Variants in FRMPD4 observed in about 807,000 individuals in gnomAD.
FRMPD4 encodes the protein FERM and PDZ domain-containing protein 4.
FRMPD4 carries 22 observed loss-of-function variants against 94.1 expected under a neutral mutation model. The ratio of observed to expected loss-of-function variants is 0.23; its 90% CI spans 0.17 to 0.33. FRMPD4 has a LOEUF of 0.33. FRMPD4 is among the 10% of genes least tolerant of loss of function. FRMPD4 has a pLI of 1.00. For missense variants in FRMPD4, 1,111 were observed against 1,339.9 expected (o/e 0.83, Z 2.67); for synonymous variants, 631 against 548.6 (o/e 1.15, Z -2.10).
chrX:12,015,652 A>G (rs2054601303), intron 3 of FRMPD4, among the ~76,000 whole-genome samples: 1 of 112,489 alleles, frequency 8.9e-6, no homozygotes, highest in Non-Finnish European at 1.9e-5. Flanking sequence ...ATGTGACATA[A>G]TTCTGACTGA....
intron 1 of FRMPD4, among the ~76,000 whole-genome samples, chrX:12,221,333 T>G (rs972426249): frequency 6.2e-5 from 7 of 112,348 alleles, no homozygotes; most frequent in African/African-American, 2.3e-4. Context: ...AATGCAATAC[T>G]GCTTAGCAAA....
At chrX:12,274,876 G>A (rs111875525) in intron 1 of FRMPD4, among the ~76,000 whole-genome samples, 1,765 of 111,838 alleles carry the variant, frequency 0.016, 37 homozygotes, top group African/African-American at 0.055. Context: ...AGACGCGGTG[G>A]TGGGCACCTG....
At chrX:12,103,939 G>T (rs1446600458) in intron 3 of FRMPD4, among the ~76,000 whole-genome samples, 2 of 111,632 alleles carry the variant, frequency 1.8e-5, no homozygotes, top group Non-Finnish European at 3.8e-5. Context: ...ACCACAGACT[G>T]GGTAATTTAA....
At chrX:12,142,862 T>G (rs1473702928) in intron 1 of FRMPD4, among the ~76,000 whole-genome samples, 1 of 111,957 alleles carries the variant, frequency 8.9e-6, no homozygotes, top group Non-Finnish European at 1.9e-5. Flanking sequence ...GACTGACAGC[T>G]GCAGTGAAAC....
intron 1 of FRMPD4, among the ~76,000 whole-genome samples, chrX:12,428,102 G>A (rs1191002892): frequency 2.8e-5 from 3 of 107,769 alleles, no homozygotes; most frequent in East Asian, 2.9e-4. Flanking sequence ...TAGTAGAGAC[G>A]GGGTTTCACC....
At chrX:12,172,925 C>T (rs776022779) in intron 1 of FRMPD4, among the ~76,000 whole-genome samples, 1 of 112,666 alleles carries the variant, frequency 8.9e-6, no homozygotes, top group Non-Finnish European at 1.9e-5. Flanking sequence ...TTCAAACATC[C>T]CCTTGCTAAT....
intron 3 of FRMPD4, among the ~76,000 whole-genome samples, chrX:11,943,538 A>G (rs1217915762): frequency 9.0e-6 from 1 of 110,602 alleles, no homozygotes; most frequent in Non-Finnish European, 1.9e-5. Flanking sequence ...AAGAGAAAGC[A>G]TGAGGGGCTG....
intron 3 of FRMPD4, among the ~76,000 whole-genome samples, chrX:12,003,386 A>AGTGT (rs34756228): frequency 0.023 from 2,326 of 102,129 alleles, 20 homozygotes; most frequent in African/African-American, 0.039. Context: ...CAGTTTGGCA[A>AGTGT]GTGTGTGTGT....
intron 1 of FRMPD4, among the ~76,000 whole-genome samples, chrX:12,333,690 T>C (rs1339393125): frequency 1.8e-5 from 2 of 111,974 alleles, no homozygotes; most frequent in Non-Finnish European, 3.8e-5. Flanking sequence ...ATTAGAATCA[T>C]GATCTTCCCT....
At chrX:12,033,453 C>T (rs925519316) in intron 3 of FRMPD4, among the ~76,000 whole-genome samples, 1 of 111,089 alleles carries the variant, frequency 9.0e-6, no homozygotes, top group Non-Finnish European at 1.9e-5. Context: ...TGGGAGAAGG[C>T]AGAAGTGAAG....
chrX:12,314,806 A>G (rs1353196126), intron 1 of FRMPD4, among the ~76,000 whole-genome samples: 1 of 111,609 alleles, frequency 9.0e-6, no homozygotes, highest in Non-Finnish European at 1.9e-5. Flanking sequence ...AGGGACTCTA[A>G]TTAGTGACAC....
intron 1 of FRMPD4, among the ~76,000 whole-genome samples, chrX:12,228,780 T>C (rs1281388872): frequency 1.8e-5 from 2 of 112,456 alleles, no homozygotes; most frequent in African/African-American, 6.5e-5. Flanking sequence ...TGTGAATTCG[T>C]TGAGCATTCA....
chrX:11,947,815 A>G (rs759746250), intron 3 of FRMPD4, among the ~76,000 whole-genome samples: 1 of 111,339 alleles, frequency 9.0e-6, no homozygotes, highest in Admixed American at 9.6e-5. Flanking sequence ...GGCCAGGTGC[A>G]GTGGCTCACG....
intron 2 of FRMPD4, among the ~76,000 whole-genome samples, chrX:12,558,052 G>T (rs2058615006): frequency 8.9e-6 from 1 of 112,546 alleles, no homozygotes. Flanking sequence ...ATATGCAGTA[G>T]GTCTGAAGGA....
intron 1 of FRMPD4, among the ~76,000 whole-genome samples, chrX:12,325,005 A>G (rs994940061): frequency 1.6e-4 from 18 of 112,080 alleles, no homozygotes; most frequent in African/African-American, 5.2e-4. Context: ...CATTGGGTTT[A>G]TTTTTATTTC....
chrX:12,681,334 C>T (rs539918724), intron 5 of FRMPD4, among the ~76,000 whole-genome samples: 4 of 112,476 alleles, frequency 3.6e-5, no homozygotes, highest in Middle Eastern at 9.3e-3. Context: ...ATGCGCTCAC[C>T]GCTGTATGAT....
intron 3 of FRMPD4, among the ~76,000 whole-genome samples, chrX:11,918,465 G>A (rs374944840): frequency 8.9e-6 from 1 of 112,172 alleles, no homozygotes; most frequent in South Asian, 3.7e-4. Flanking sequence ...TTAGCCAGGC[G>A]TGGTGGCACA....
chrX:11,873,886 G>T lies in FRMPD4; in HGVS notation c.-29-4009G>T, dbSNP rs761195836. 9.0e-5 allele frequency among the ~76,000 whole-genome samples: 10 copies of T among 110,999 alleles called. No individual in the cohort carries two copies. The East Asian group carries it at 2.8e-3, about 31-fold the overall frequency. ...TATCTGTGAAAAGTCAGGCATATAG[G>T]TAATGGAACAAAATAGAGATTCCAG... is the stretch of plus-strand genomic sequence containing the variant. On this transcript the variant is annotated intron_variant, in intron 2 of 18. Coordinates refer to the FRMPD4 transcript ENST00000640291.
At chrX:12,514,510 A>G (rs1026782088) in intron 2 of FRMPD4, among the ~76,000 whole-genome samples, 4 of 112,342 alleles carry the variant, frequency 3.6e-5, no homozygotes, top group African/African-American at 9.7e-5. Context: ...GTGATGAATT[A>G]TGTTCATTGA....
Sources: allele counts gnomAD v4.1 joint callset (sites outside exome capture counted in the v4.1 genomes callset), GRCh38; gene constraint gnomAD v4.1.1; transcripts MANE v1.5; gene names NCBI Gene and HGNC (gene_info 2026-07-23, HGNC 2026-07-21).